The following CDH4 variants were observed in gnomAD, a reference collection of about 807,000 sequenced individuals.
CDH4 encodes the protein cadherin-4.
In CDH4, 33 loss-of-function variants were observed where a neutral mutation model predicts 86.0. The ratio of observed to expected loss-of-function variants is 0.38; its 90% CI spans 0.29 to 0.51. CDH4 has a LOEUF of 0.51. CDH4 is among the 20% of genes least tolerant of loss of function. The pLI is 0.86. For synonymous variants in CDH4, 555 were observed against 549.4 expected (o/e 1.01, Z -0.14); for missense variants, 1,114 against 1,307.4 (o/e 0.85, Z 2.28).
At chr20:61,878,112 G>A (rs566696906) in intron 7 of CDH4, among the ~76,000 whole-genome samples, 9 of 152,150 alleles carry the variant, frequency 5.9e-5, no homozygotes, top group Admixed American at 3.3e-4. Flanking sequence ...GGGGCAGCTG[G>A]GGCAAAGCTA....
chr20:61,565,361 T>A (rs62199240), intron 2 of CDH4, among the ~76,000 whole-genome samples: 429 of 27,788 alleles, frequency 0.015, 73 homozygotes, highest in Non-Finnish European at 0.02. Flanking sequence ...GGTGATGGGG[T>A]GATGGTGGTG....
At chr20:61,442,458 T>C (rs538989968) in intron 2 of CDH4, among the ~76,000 whole-genome samples, 120 of 152,346 alleles carry the variant, frequency 7.9e-4, no homozygotes, top group Non-Finnish European at 8.5e-4. Flanking sequence ...TAACAGATCG[T>C]GAGAACTCCA....
In CDH4 at chr20:61,653,477, C is replaced by T. The variant is rs1445391243; in HGVS notation, c.170-90086C>T. 8.0e-5 allele frequency among the ~76,000 whole-genome samples: 11 copies of T among 137,920 alleles called. 1 individual carries two copies. Among genetic ancestry groups the T allele is most frequent in the Admixed American group, 5.0e-4 (7 of 14,026 alleles). 90.5% of individuals were successfully genotyped at this position (137,920 alleles called of 152,430 possible). On this transcript the variant is annotated intron_variant, in intron 2 of 15. Coordinates refer to ENST00000614565, the MANE Select transcript of CDH4 (RefSeq NM_001794.5). ...TACACCTCCCAGACGGGGTCGTGGC[C>T]GGGCAGAGGGGCTCCTCACTTCCCA... is the stretch of plus-strand genomic sequence containing the variant.
At chr20:61,694,226 G>T (rs1020551543) in intron 2 of CDH4, among the ~76,000 whole-genome samples, 1 of 152,080 alleles carries the variant, frequency 6.6e-6, no homozygotes, top group East Asian at 1.9e-4. Flanking sequence ...GCAGGGTGTC[G>T]GGAAGAGGCG....
chr20:61,669,042 G>C (rs2087357723), intron 2 of CDH4, among the ~76,000 whole-genome samples: 1 of 152,208 alleles, frequency 6.6e-6, no homozygotes, highest in African/African-American at 2.4e-5. Flanking sequence ...GCCGGCGGCA[G>C]GTCAGGTCCT....
At chr20:61,298,617 A>G (rs2084369442) in intron 2 of CDH4, among the ~76,000 whole-genome samples, 1 of 151,474 alleles carries the variant, frequency 6.6e-6, no homozygotes, top group Admixed American at 6.6e-5. Flanking sequence ...CCTTTGAACA[A>G]TAACATTTTT....
chr20:61,508,152 GT>G (rs1472121132), intron 2 of CDH4, among the ~76,000 whole-genome samples: 3 of 152,224 alleles, frequency 2.0e-5, no homozygotes, highest in Non-Finnish European at 4.4e-5. Context: ...CAATCAGTCA[GT>G]GTGTAAATAA....
intron 2 of CDH4, among the ~76,000 whole-genome samples, chr20:61,626,791 T>C (rs1286890921): frequency 1.3e-5 from 2 of 152,182 alleles, no homozygotes; most frequent in Admixed American, 1.3e-4. Flanking sequence ...AGGCAGCCAT[T>C]GTAACTCAGA....
At chr20:61,621,830 C>T (rs747720454) in intron 2 of CDH4, among the ~76,000 whole-genome samples, 9 of 152,186 alleles carry the variant, frequency 5.9e-5, no homozygotes, top group African/African-American at 1.7e-4. Context: ...CAGATGAAAA[C>T]GCTCTTTGGA....
At chr20:61,387,076 A>G (rs1476703661) in intron 2 of CDH4, among the ~76,000 whole-genome samples, 1 of 152,260 alleles carries the variant, frequency 6.6e-6, no homozygotes, top group Non-Finnish European at 1.5e-5. Context: ...AATTATAAAA[A>G]TAAAATATAT....
chr20:61,266,434 A>T (rs1249415060), intron 2 of CDH4, among the ~76,000 whole-genome samples: 1 of 151,778 alleles, frequency 6.6e-6, no homozygotes, highest in Admixed American at 6.6e-5. Flanking sequence ...AGAAATGTTG[A>T]CATTTTTTGC....
intron 2 of CDH4, among the ~76,000 whole-genome samples, chr20:61,303,597 ATTTGGGGGGTGTCTGCTCTC>A (rs959394461): frequency 6.6e-6 from 1 of 152,194 alleles, no homozygotes; most frequent in East Asian, 1.9e-4. Context: ...TCATCTTGTG[ATTTGGGGGGTGTCTGCTCTC>A]TCCGGTGCCA....
At chr20:61,737,468 C>T (rs2145934055) in intron 2 of CDH4, among the ~76,000 whole-genome samples, 1 of 152,250 alleles carries the variant, frequency 6.6e-6, no homozygotes, top group South Asian at 2.1e-4. Context: ...ACCCCAGGGA[C>T]CCCCGGCCTG....
intron 2 of CDH4, among the ~76,000 whole-genome samples, chr20:61,723,670 G>T (rs755742275): frequency 6.6e-6 from 1 of 152,218 alleles, no homozygotes; most frequent in Non-Finnish European, 1.5e-5. Context: ...CCTGGGCAGG[G>T]CTGTGCGGTG....
intron 2 of CDH4, among the ~76,000 whole-genome samples, chr20:61,316,702 T>C (rs1030034858): frequency 2.6e-5 from 4 of 152,224 alleles, no homozygotes; most frequent in African/African-American, 7.2e-5. Context: ...ATGCTGGCCA[T>C]GTGAAAAAGG....
intron 2 of CDH4, among the ~76,000 whole-genome samples, chr20:61,282,547 ATGTG>A (rs71185912): frequency 7.7e-6 from 1 of 130,122 alleles, no homozygotes; most frequent in African/African-American, 2.8e-5. Flanking sequence ...GTGTGTGTGC[ATGTG>A]TGTGTGTGTG....
chr20:61,846,907 C>G (rs916056083), intron 5 of CDH4, among the ~76,000 whole-genome samples: 11 of 151,804 alleles, frequency 7.2e-5, no homozygotes, highest in African/African-American at 2.7e-4. Flanking sequence ...GGTGTGGCAT[C>G]GCAGATGCAG....
intron 2 of CDH4, among the ~76,000 whole-genome samples, chr20:61,468,010 C>G (rs1260937395): frequency 1.3e-5 from 2 of 152,198 alleles, no homozygotes; most frequent in East Asian, 3.8e-4. Context: ...CCCATGGAAT[C>G]AAGAAAGTGT....
chr20:61,915,176 A>G (rs1158568734), intron 9 of CDH4, among the ~76,000 whole-genome samples: 2 of 152,286 alleles, frequency 1.3e-5, no homozygotes, highest in East Asian at 3.9e-4. Context: ...TGGGGCTGGA[A>G]CCTGCTACCT....
Sources: gnomAD v4.1 joint callset for allele counts (sites outside exome capture counted in the v4.1 genomes callset) on GRCh38, gnomAD v4.1.1 for gene constraint, MANE v1.5 for transcripts, NCBI Gene and HGNC (gene_info 2026-07-23, HGNC 2026-07-21) for gene names.